The following AKAP6 variants were observed in gnomAD, a reference collection of about 807,000 sequenced individuals.
AKAP6 encodes A-kinase anchoring protein 6.
AKAP6 carries 58 observed loss-of-function variants against 188.5 expected under a neutral mutation model. The ratio of observed to expected loss-of-function variants is 0.31; its 90% CI spans 0.25 to 0.38. The LOEUF (loss-of-function observed/expected upper bound fraction) is 0.38. Among genes scored for constraint, AKAP6 ranks in the 10% least tolerant of loss-of-function variants. The pLI is 1.00. For missense variants in AKAP6, 2,710 were observed against 2,740.0 expected (o/e 0.99, Z 0.24); for synonymous variants, 989 against 998.6 (o/e 0.99, Z 0.18).
At chr14:32,709,876 C>T (rs1890968400) in intron 9 of AKAP6, among the ~76,000 whole-genome samples, 1 of 151,990 alleles carries the variant, frequency 6.6e-6, no homozygotes, top group Admixed American at 6.6e-5. Flanking sequence ...GTGCTCAAAA[C>T]TGGTTGGTGA....
At position 32,821,387 on chromosome 14, in the gene AKAP6, C is replaced by T. The variant is rs752725474; in HGVS notation, c.3589-15C>T. ...CCCTAATTCTTCTCCTTTTCTTTTT[C>T]TTTCTCTCACACAGGAGACTTTGAA... is the stretch of plus-strand genomic sequence containing the variant. On this transcript the variant is annotated splice_polypyrimidine_tract_variant and intron_variant, in intron 12 of 13. Coordinates refer to ENST00000280979, the MANE Select transcript of AKAP6 (RefSeq NM_004274.5). 1.3e-6 allele frequency: 2 copies of T among 1,549,078 alleles called. No homozygotes were observed. Among genetic ancestry groups the T allele is most frequent in the Non-Finnish European group, 1.7e-6 (2 of 1,150,262 alleles).
intron 7 of AKAP6, among the ~76,000 whole-genome samples, chr14:32,609,789 T>C (rs1211143463): frequency 6.6e-6 from 1 of 152,076 alleles, no homozygotes. Context: ...TTGCCTCAGC[T>C]GTCTTTAGGG....
intron 2 of AKAP6, among the ~76,000 whole-genome samples, chr14:32,534,715 C>T (rs1882585316): frequency 1.3e-5 from 2 of 151,990 alleles, no homozygotes; most frequent in African/African-American, 4.8e-5. Context: ...CCTGTAATCC[C>T]AGCACTTTGG....
intron 12 of AKAP6, among the ~76,000 whole-genome samples, chr14:32,784,143 A>C (rs925641528): frequency 6.6e-6 from 1 of 152,170 alleles, no homozygotes; most frequent in African/African-American, 2.4e-5. Flanking sequence ...GTAAGCAAGC[A>C]CTTTCTGTTT....
chr14:32,793,072 CACACTGAAGT>C (rs1156512609), intron 12 of AKAP6, among the ~76,000 whole-genome samples: 1 of 152,192 alleles, frequency 6.6e-6, no homozygotes, highest in Non-Finnish European at 1.5e-5. Flanking sequence ...ATTACAAAAA[CACACTGAAGT>C]ACACAGACCA....
At chr14:32,632,394 C>T (rs1005625602) in intron 7 of AKAP6, among the ~76,000 whole-genome samples, 2 of 151,998 alleles carry the variant, frequency 1.3e-5, no homozygotes, top group Non-Finnish European at 2.9e-5. Context: ...AATATGTTGT[C>T]TTCCCTAGAC....
chr14:32,554,431 G>T (rs1195445174), intron 4 of AKAP6, among the ~76,000 whole-genome samples: 1 of 152,120 alleles, frequency 6.6e-6, no homozygotes, highest in Non-Finnish European at 1.5e-5. Flanking sequence ...GCTGTTATTG[G>T]TCTCATTTTA....
chr14:32,745,578 C>A (rs999592587), intron 11 of AKAP6, among the ~76,000 whole-genome samples: 10 of 151,574 alleles, frequency 6.6e-5, no homozygotes, highest in African/African-American at 2.4e-4. Context: ...CACAAGCATC[C>A]CTATGGCCAC....
At chr14:32,654,743 G>A (rs1212939628) in intron 7 of AKAP6, among the ~76,000 whole-genome samples, 2 of 151,704 alleles carry the variant, frequency 1.3e-5, no homozygotes, top group African/African-American at 4.8e-5. Context: ...CAGCTACTCA[G>A]GAGGCTGAGG....
In AKAP6 at chr14:32,435,903, G is replaced by A. The variant is rs778714571; in HGVS notation, c.324+2086G>A. 7.2e-5 allele frequency among the ~76,000 whole-genome samples: 11 copies of A among 152,178 alleles called. No individual in the cohort carries two copies. In the East Asian group the frequency reaches 7.7e-4, roughly 11 times the overall value. On this transcript the variant is annotated intron_variant, in intron 2 of 13. Transcript: ENST00000280979. ...ACTTAGTTAAGTTTCTCTTTTATTCGTATAATATTTCTTTATTCCACCAAA... is the reference window on the plus strand; with the variant it reads ...ACTTAGTTAAGTTTCTCTTTTATTCATATAATATTTCTTTATTCCACCAAA...
chr14:32,425,415 C>G (rs1331080908), intron 1 of AKAP6, among the ~76,000 whole-genome samples: 2 of 151,984 alleles, frequency 1.3e-5, no homozygotes, highest in Non-Finnish European at 2.9e-5. Flanking sequence ...CATGGTGACA[C>G]CCTGTCTCTC....
At chr14:32,532,558 G>A (rs909453251) in intron 2 of AKAP6, among the ~76,000 whole-genome samples, 2 of 152,176 alleles carry the variant, frequency 1.3e-5, no homozygotes, top group Admixed American at 6.5e-5. Context: ...CAGATGGCAT[G>A]TGCTTTTACA....
Position 32,453,565 on chromosome 14 carries a change from T to TTTTTC in AKAP6, c.324+19758_324+19762dup, listed in dbSNP as rs1324782688. ...TGAAATTCCTGTGGAGATAATAGAA[T>TTTTTC]TTTTCTTTTCTTTTTTTTTTTTTTT... On this transcript the variant is annotated intron_variant, in intron 2 of 13. Transcript: ENST00000280979. Among the ~76,000 whole-genome samples the TTTTTC allele has an allele frequency of 2.1e-4, 26 of 124,516 alleles. 2 individuals carry two copies. The highest frequency in any genetic ancestry group is 1.2e-3 in the South Asian group (5 of 4,192). 81.7% of individuals were successfully genotyped at this position (124,516 alleles called of 152,430 possible). A position where few individuals can be genotyped will look rare whatever the true frequency, so the allele number is the denominator to read the frequency against.
Position 32,822,243 on chromosome 14 carries a change from A to G in AKAP6, c.4430A>G (p.Lys1477Arg). The change falls in exon 13 of 14, where the codon AAA becomes AGA. Residue 1477 changes from lysine (K) to arginine (R), a missense_variant. Around this residue, in one of 2 missense-constraint regions of AKAP6, gnomAD observed 2,473 missense variants for 2,426.1 expected, o/e 1.02. Coordinates refer to ENST00000280979, the MANE Select transcript of AKAP6 (RefSeq NM_004274.5). ...FYDYSYLQGS[K>R]LKLPMIMKQS... ...GATTACTCATACCTCCAAGGCTCAA[A>G]ACTCAAATTACCAATGATAATGAAA... The G allele has an allele frequency of 6.2e-7, 1 of 1,613,908 alleles. No homozygotes were observed. The highest frequency in any genetic ancestry group is 2.2e-5 in the East Asian group (1 of 44,848).
chr14:32,700,215 T>C (rs1594860608), intron 9 of AKAP6, among the ~76,000 whole-genome samples: 1 of 152,156 alleles, frequency 6.6e-6, no homozygotes, highest in Non-Finnish European at 1.5e-5. Context: ...ATGGTGAGGG[T>C]GTGCCCTATC....
At chr14:32,491,136 T>C (rs149605920) in intron 2 of AKAP6, among the ~76,000 whole-genome samples, 344 of 152,314 alleles carry the variant, frequency 2.3e-3, no homozygotes, top group African/African-American at 7.8e-3. Context: ...CCCTTCTCCC[T>C]AATTGCTTCA....
intron 2 of AKAP6, among the ~76,000 whole-genome samples, chr14:32,533,393 C>T (rs1038138817): frequency 2.6e-5 from 4 of 152,026 alleles, no homozygotes; most frequent in Non-Finnish European, 2.9e-5. Flanking sequence ...GCCAGCCTTT[C>T]CCCCATCATC....
intron 7 of AKAP6, among the ~76,000 whole-genome samples, chr14:32,676,698 T>C (rs946715646): frequency 1.3e-5 from 2 of 152,234 alleles, no homozygotes; most frequent in Non-Finnish European, 2.9e-5. Context: ...GAAACTTCAA[T>C]TATATAACTA....
At chr14:32,448,399 C>G (rs1890828885) in intron 2 of AKAP6, among the ~76,000 whole-genome samples, 2 of 152,174 alleles carry the variant, frequency 1.3e-5, no homozygotes, top group African/African-American at 2.4e-5. Context: ...CTTTACTCTT[C>G]TAGTAATAAT....
Sources: gnomAD v4.1 joint callset for allele counts (sites outside exome capture counted in the v4.1 genomes callset) on GRCh38, gnomAD v4.1.1 for gene constraint, gnomAD v4.1.1 regional missense constraint, MANE v1.5 for transcripts, NCBI Gene and HGNC (gene_info 2026-07-23, HGNC 2026-07-21) for gene names.